The following MDN1 variants were observed in gnomAD, a reference collection of about 807,000 sequenced individuals.
MDN1 encodes the protein midasin AAA ATPase 1, also known as midasin.
MDN1 carries 266 observed loss-of-function variants against 669.2 expected under a neutral mutation model. The ratio of observed to expected loss-of-function variants is 0.40; its 90% CI spans 0.36 to 0.44. The LOEUF (loss-of-function observed/expected upper bound fraction) is 0.44. Ranked by LOEUF, MDN1 falls within the 20% of genes least tolerant of loss-of-function variation. MDN1 has a pLI of 1.00. For synonymous variants in MDN1, 2,385 were observed against 2,457.1 expected, an observed-to-expected ratio of 0.97 and a Z score of 0.87; for missense variants, 5,940 against 6,754.0, an observed-to-expected ratio of 0.88 and a Z score of 4.22.
Position 89,654,349 on chromosome 6 carries a change from C to T in MDN1, c.15491-15G>A, listed in dbSNP as rs373905463. On this transcript the variant is annotated splice_polypyrimidine_tract_variant and intron_variant, in intron 92 of 101. Transcript: ENST00000369393. ...GCTGGCCACATCTGTCAACAAAGCA[C>T]GCACCCACACATAAAAATCCTAGGT... The T allele has an allele frequency of 6.9e-5, 111 of 1,613,426 alleles. No homozygotes were observed. The African/African-American group carries it at 1.3e-3, about 18-fold the overall frequency.
intron 24 of MDN1, among the ~76,000 whole-genome samples, chr6:89,750,065 G>A (rs1033480247): frequency 5.9e-5 from 9 of 152,122 alleles, no homozygotes; most frequent in Admixed American, 4.6e-4. Flanking sequence ...ACTTCCTTTT[G>A]GCTAACACTA....
At chr6:89,788,171 G>A (rs989930315) in intron 7 of MDN1, among the ~76,000 whole-genome samples, 2 of 152,130 alleles carry the variant, frequency 1.3e-5, no homozygotes, top group African/African-American at 4.8e-5. Context: ...TGCCTCCTGT[G>A]GATCACAACC....
At chr6:89,813,275 C>T (rs999526943) in intron 1 of MDN1, among the ~76,000 whole-genome samples, 2 of 151,984 alleles carry the variant, frequency 1.3e-5, no homozygotes, top group Non-Finnish European at 2.9e-5. Context: ...CAAGGCTGGG[C>T]GCCGTGGCTC....
rs1810962639 is a variant in MDN1 at position 89,673,363 on chromosome 6, C to G, written c.13347G>C (p.Glu4449Asp). 1 of 1,614,184 alleles carries G rather than the reference C, an allele frequency of 6.2e-7. No homozygotes were observed. ...CCATTTGTGAGTCTCTTTGCTCAAC[C>G]TCCATCCCTGGAAGAATGAACAAGG... is the stretch of plus-strand genomic sequence containing the variant. ...LESLFILPGM[E>D]VEQRDSQMAL... The change falls in exon 80 of 102, where the codon GAG becomes GAC. Residue 4449 changes from glutamate to aspartate, a missense_variant. Physicochemically the swap from Glu to Asp is conservative, Grantham distance 45. Transcript: ENST00000369393.
intron 101 of MDN1, 53 bp downstream of exon 101, chr6:89,644,962 G>A: frequency 6.5e-7 from 1 of 1,545,916 alleles, no homozygotes; most frequent in Non-Finnish European, 8.8e-7. Flanking sequence ...TGAACAGGTT[G>A]AAGGGAATCC....
At chr6:89,790,767 T>A (rs1419296193) in intron 5 of MDN1, among the ~76,000 whole-genome samples, 1 of 152,174 alleles carries the variant, frequency 6.6e-6, no homozygotes, top group African/African-American at 2.4e-5. Flanking sequence ...AAGCCTGTAA[T>A]ACCAGCACTT....
chr6:89,656,831 G>A (rs570427247), intron 90 of MDN1, 30 bp from the exon 91 acceptor site: 1 of 1,580,876 alleles, frequency 6.3e-7, no homozygotes, highest in South Asian at 1.1e-5. Context: ...AAAGAATGAG[G>A]TGAAAGAAGC....
rs138125547 is a variant in MDN1 at position 89,669,603 on chromosome 6, C to T, written c.13956+1316G>A. On this transcript the variant is annotated intron_variant, in intron 83 of 101. Transcript: ENST00000369393. ...TCAAGTACATCTCATCTGTATTAAG[C>T]TTGGAGAAAATCTTAGAATGCTAAG... Among the ~76,000 whole-genome samples the T allele has an allele frequency of 3.1e-3, 473 of 152,176 alleles. 1 individual carries two copies. The highest frequency in any genetic ancestry group is 0.011 in the African/African-American group (450 of 41,514).
At chr6:89,724,467 G>C (rs1815070647) in intron 38 of MDN1, among the ~76,000 whole-genome samples, 1 of 152,120 alleles carries the variant, frequency 6.6e-6, no homozygotes, top group Non-Finnish European at 1.5e-5. Flanking sequence ...ATTTTTAATA[G>C]AGACGGGGTT....
chr6:89,697,022 T>C (rs1305258185), intron 59 of MDN1, among the ~76,000 whole-genome samples: 2 of 152,174 alleles, frequency 1.3e-5, no homozygotes, highest in African/African-American at 4.8e-5. Context: ...CAAATGTGTG[T>C]GATAGTCAAC....
chr6:89,712,822 A>C (rs772031288), intron 47 of MDN1, 36 bp from the exon 48 acceptor site: 1 of 1,583,872 alleles, frequency 6.3e-7, no homozygotes, highest in African/African-American at 1.3e-5. Context: ...AGTGGTACCA[A>C]CATAAAAGTG....
intron 64 of MDN1, 56 bp from the exon 65 acceptor site, chr6:89,690,199 A>G: frequency 6.5e-7 from 1 of 1,540,192 alleles, no homozygotes; most frequent in East Asian, 2.3e-5. Context: ...ACTTCTAATC[A>G]GACTAAAAGG....
chr6:89,749,794 C>G (rs778110396), intron 24 of MDN1, 43 bp from the exon 25 acceptor site: 3 of 1,450,704 alleles, frequency 2.1e-6, no homozygotes, highest in Non-Finnish European at 2.9e-6. Flanking sequence ...TAAATCAGTA[C>G]AAAGTTTTAA....
At position 89,667,976 on chromosome 6, in the gene MDN1, T is replaced by C. The variant is rs774036884; in HGVS notation, c.14094+38A>G. On this transcript the variant is annotated intron_variant, in intron 84 of 101. Coordinates refer to ENST00000369393, the MANE Select transcript of MDN1 (RefSeq NM_014611.3). ...ACTTACATGTTGAAAAGAAAGAGAG[T>C]GATCTTCTGTCAACTGTATACCTAT... 3.8e-6 allele frequency: 6 copies of C among 1,596,816 alleles called. No homozygotes were observed. In the South Asian group the frequency reaches 6.8e-5, roughly 18 times the overall value.
intron 83 of MDN1, among the ~76,000 whole-genome samples, chr6:89,670,458 G>A (rs550011842): frequency 1.3e-5 from 2 of 152,040 alleles, no homozygotes; most frequent in African/African-American, 4.8e-5. Flanking sequence ...GATTACAGGC[G>A]TGAGCCACCA....
intron 11 of MDN1, among the ~76,000 whole-genome samples, chr6:89,778,076 G>A (rs1334020621): frequency 2.6e-5 from 4 of 152,086 alleles, no homozygotes; most frequent in Non-Finnish European, 5.9e-5. Flanking sequence ...CAGTGGGCAA[G>A]GTGAACCTGT....
Position 89,706,045 on chromosome 6 carries a change from A to G in MDN1, c.8148+14T>C, listed in dbSNP as rs7743484. The G allele has an allele frequency of 0.85, 1,329,489 of 1,571,824 alleles. 563,627 individuals carry two copies. The highest frequency in any genetic ancestry group is 1 in the East Asian group (44,347 of 44,378). On this transcript the variant is annotated intron_variant, in intron 53 of 101. Transcript: ENST00000369393. Reference sequence around the variant, plus strand: ...TTTTGTTGTTTAAAAATAAAACAAGATGCAGTTCCTTACCTCATTGGCACT... The same window carrying G: ...TTTTGTTGTTTAAAAATAAAACAAGGTGCAGTTCCTTACCTCATTGGCACT...
chr6:89,806,094 C>T (rs4707573), intron 1 of MDN1, among the ~76,000 whole-genome samples: 29,863 of 151,908 alleles, frequency 0.2, 3,137 homozygotes, highest in African/African-American at 0.27. Context: ...TGTGCCACCA[C>T]GCCCAGCTGA....
At chr6:89,681,866 G>A (rs549221902) in intron 73 of MDN1, among the ~76,000 whole-genome samples, 75 of 151,978 alleles carry the variant, frequency 4.9e-4, no homozygotes, top group Non-Finnish European at 8.4e-4. Flanking sequence ...TGCATAGGCT[G>A]GTCTCAAACT....
Sources: allele counts gnomAD v4.1 joint callset (sites outside exome capture counted in the v4.1 genomes callset), GRCh38; gene constraint gnomAD v4.1.1; transcripts MANE v1.5; gene names NCBI Gene and HGNC (gene_info 2026-07-23, HGNC 2026-07-21).